FAT2: variants seen among roughly 807,000 people sequenced by gnomAD.
FAT2 encodes the protein FAT atypical cadherin 2, also known as protocadherin Fat 2.
In FAT2, 150 loss-of-function variants were observed where a neutral mutation model predicts 295.3. The ratio of observed to expected loss-of-function variants is 0.51; its 90% CI spans 0.44 to 0.58. FAT2 has a LOEUF of 0.58. Ranked by LOEUF, FAT2 falls within the 20% of genes least tolerant of loss-of-function variation. FAT2 has a pLI of 0.00. For missense variants in FAT2, 4,868 were observed against 5,442.7 expected (o/e 0.89, Z 3.32); for synonymous variants, 2,026 against 2,150.3 (o/e 0.94, Z 1.60).
At chr5:151,517,140 T>C (rs1051561904) in intron 20 of FAT2, among the ~76,000 whole-genome samples, 2 of 151,556 alleles carry the variant, frequency 1.3e-5, no homozygotes, top group South Asian at 2.1e-4. Flanking sequence ...AAATGGTAGA[T>C]TGGCATATGT....
At chr5:151,576,577 G>A (rs1286338268) in intron 1 of FAT2, among the ~76,000 whole-genome samples, 3 of 152,018 alleles carry the variant, frequency 2.0e-5, no homozygotes, top group East Asian at 3.8e-4. Context: ...TTTTAAATAC[G>A]AAAGAAAGAA....
chr5:151,552,007 G>A (rs1174709671), intron 6 of FAT2, among the ~76,000 whole-genome samples: 2 of 151,720 alleles, frequency 1.3e-5, no homozygotes, highest in Non-Finnish European at 2.9e-5. Flanking sequence ...GTGTGTGTGT[G>A]TGTGTGTAAA....
In FAT2 at chr5:151,542,280, C is replaced by A; in HGVS notation, c.8842+5G>T. On this transcript the variant is annotated splice_donor_5th_base_variant and intron_variant, in intron 10 of 23. Transcript: ENST00000261800. ...GAGCCTGCAGTCCATGACAGGTGTTCTTACCTGTGATGTAGCAGGTGACCT... is the reference window on the plus strand; with the variant it reads ...GAGCCTGCAGTCCATGACAGGTGTTATTACCTGTGATGTAGCAGGTGACCT... 1 of 1,583,730 alleles carries A rather than the reference C, an allele frequency of 6.3e-7. No individual in the cohort carries two copies. Among genetic ancestry groups the A allele is most frequent in the Non-Finnish European group, 8.6e-7 (1 of 1,165,246 alleles).
chr5:151,561,707 A>G (rs903573039), intron 3 of FAT2, among the ~76,000 whole-genome samples: 5 of 152,190 alleles, frequency 3.3e-5, no homozygotes, highest in Non-Finnish European at 5.9e-5. Context: ...CTTTAGCTTA[A>G]GAGCACAGGG....
rs1443654556 is a variant in FAT2, at chr5:151,534,661, A to G, written c.9194-19T>C. ...AGCTCCCCTGGTCGGAGAAATGACAAAAGTTGAGCTTTCTCTGGGGAAATA... is the reference window on the plus strand; with the variant it reads ...AGCTCCCCTGGTCGGAGAAATGACAGAAGTTGAGCTTTCTCTGGGGAAATA... On this transcript the variant is annotated intron_variant, in intron 12 of 23. Coordinates refer to ENST00000261800, the MANE Select transcript of FAT2 (RefSeq NM_001447.3). The G allele has an allele frequency of 3.1e-6, 5 of 1,593,614 alleles. No homozygotes were observed. The highest frequency in any genetic ancestry group is 4.3e-6 in the Non-Finnish European group (5 of 1,162,686).
chr5:151,584,892 T>A (rs1007761870), intron 1 of FAT2, among the ~76,000 whole-genome samples: 2 of 152,122 alleles, frequency 1.3e-5, no homozygotes, highest in African/African-American at 4.8e-5. Context: ...GCTTAAAAAA[T>A]ATATATAGAT....
At chr5:151,538,804 G>A (rs991865997) in intron 11 of FAT2, among the ~76,000 whole-genome samples, 2 of 151,754 alleles carry the variant, frequency 1.3e-5, no homozygotes, top group Non-Finnish European at 2.9e-5. Context: ...AGCCTCCTAG[G>A]TAGCTGGGAG....
At position 151,550,625 on chromosome 5, in the gene FAT2, C is replaced by G. The variant is rs2278370; in HGVS notation, c.4543G>C (p.Gly1515Arg). The change falls in exon 8 of 24, where the codon GGC becomes CGC. Residue 1515 changes from glycine to arginine, a missense_variant. By Grantham distance (125) the Gly-to-Arg change is moderately radical. Transcript: ENST00000261800. Reference sequence around the variant, plus strand: ...AGTGTGTGCTGGGAGGGCCCCGAGCCGAGGTCCAATTTTCCCACCGTTACC... The same window carrying G: ...AGTGTGTGCTGGGAGGGCCCCGAGCGGAGGTCCAATTTTCCCACCGTTACC... The part of the protein sequence containing the change: ...VLVTVGKLDL[G>R]SGPSQHTLTV... 1 of 1,614,040 alleles carries G rather than the reference C, an allele frequency of 6.2e-7. No homozygotes were observed. Among genetic ancestry groups the G allele is most frequent in the Non-Finnish European group, 8.5e-7 (1 of 1,179,994 alleles).
At chr5:151,506,342 A>G (rs1279616008) in intron 23 of FAT2, among the ~76,000 whole-genome samples, 1 of 152,252 alleles carries the variant, frequency 6.6e-6, no homozygotes, top group Non-Finnish European at 1.5e-5. Context: ...TCTGAGGGTC[A>G]GTGAACAAGG....
At position 151,568,951 on chromosome 5, in the gene FAT2, C is replaced by A; in HGVS notation, c.-20G>T. On this transcript the variant is annotated splice_region_variant and 5_prime_UTR_variant, in exon 2 of 24. Coordinates refer to ENST00000261800, the MANE Select transcript of FAT2 (RefSeq NM_001447.3). ...AGTCATGGTGGAAAACTCCCGAAAC[C>A]CTGGGCAGAAAATAAAAGACAGGGT... 1 of 1,571,518 alleles carries A rather than the reference C, an allele frequency of 6.4e-7. No homozygotes were observed. Among genetic ancestry groups the A allele is most frequent in the South Asian group, 1.2e-5 (1 of 83,090 alleles).
In FAT2 at chr5:151,568,619, C is replaced by A. The variant is rs1758394034; in HGVS notation, c.313G>T (p.Ala105Ser). 6.2e-7 allele frequency: 1 copy of A among 1,614,168 alleles called. No homozygotes were observed. Among genetic ancestry groups the A allele is most frequent in the South Asian group, 1.1e-5 (1 of 91,078 alleles). The change falls in exon 2 of 24, where the codon GCT becomes TCT. Residue 105 changes from alanine to serine, a missense_variant. This residue lies in a region of FAT2 where 3,297 missense variants were observed against 3,669.4 expected (regional missense o/e 0.90). Transcript: ENST00000261800. Reference protein sequence around the residue: ...LRIRTKSSNTALLNREVRDSY... With the variant: ...LRIRTKSSNTSLLNREVRDSY... ...TCTCGCACCTCTCTGTTCAGAAGAG[C>A]TGTGTTGCTGCTCTTTGTCCTTATT... is the stretch of plus-strand genomic sequence containing the variant.
chr5:151,590,836 G>A (rs746724712), intron 1 of FAT2, among the ~76,000 whole-genome samples: 2 of 152,172 alleles, frequency 1.3e-5, no homozygotes, highest in African/African-American at 4.8e-5. Flanking sequence ...CCCAAGTGGG[G>A]GATTTGATTC....
intron 9 of FAT2, 47 bp from the exon 10 acceptor site, chr5:151,546,384 T>C (rs371303995): frequency 5.4e-5 from 78 of 1,442,562 alleles, no homozygotes; most frequent in Non-Finnish European, 6.9e-5. Context: ...CCTCGACAGG[T>C]ATCAGCTAGG....
intron 1 of FAT2, among the ~76,000 whole-genome samples, chr5:151,588,536 A>G (rs1759269002): frequency 1.3e-5 from 2 of 152,212 alleles, no homozygotes; most frequent in African/African-American, 4.8e-5. Context: ...TCCAGTAAGC[A>G]GCAGTTCTCA....
chr5:151,544,184 C>T lies in FAT2; in HGVS notation c.6943G>A (p.Gly2315Ser). The change falls in exon 10 of 24, where the codon GGC becomes AGC. Residue 2315 changes from glycine (G) to serine (S), a missense_variant. Around this residue, in one of 5 missense-constraint regions of FAT2, gnomAD observed 3,297 missense variants for 3,669.4 expected, o/e 0.90. Transcript: ENST00000261800. Reference protein sequence around the residue: ...RDVSYQIVEDGSDVSKFFQIN... With the variant: ...RDVSYQIVEDSSDVSKFFQIN... The stretch of plus-strand genomic sequence containing the variant: ...TGGAAGAACTTGGAAACATCTGAGC[C>T]ATCCTCCACAATCTGATAAGAGACG... 1.9e-6 allele frequency: 3 copies of T among 1,614,212 alleles called. No individual in the cohort carries two copies. The highest frequency in any genetic ancestry group is 1.3e-5 in the African/African-American group (1 of 75,052).
rs1415562202 is a variant in FAT2, at chr5:151,505,955, A to G, written c.12660T>C (p.Asn4220=). ...GGAAGGGGAAGCCCCCATAGAGGCC[A>G]TTAGGCTCTGGCATCACGACTGGGG... is the stretch of plus-strand genomic sequence containing the variant. ...HSTPVVMPEP[N]GLYGGFPFPL... is the part of the protein sequence containing the mutation. The change falls in exon 24 of 24, where the codon AAT becomes AAC. Residue 4220 remains asparagine (N), a synonymous_variant. Coordinates refer to ENST00000261800, the MANE Select transcript of FAT2 (RefSeq NM_001447.3). 2 of 1,576,500 alleles carry G rather than the reference A, an allele frequency of 1.3e-6. No homozygotes were observed. The highest frequency in any genetic ancestry group is 4.5e-5 in the East Asian group (2 of 44,544).
chr5:151,559,810 T>G (rs1204555635), intron 3 of FAT2, among the ~76,000 whole-genome samples: 1 of 152,112 alleles, frequency 6.6e-6, no homozygotes, highest in Non-Finnish European at 1.5e-5. Flanking sequence ...ATTCTCATCC[T>G]CATCCTCCTC....
intron 3 of FAT2, among the ~76,000 whole-genome samples, chr5:151,562,295 C>G (rs771795809): frequency 1.3e-5 from 2 of 152,132 alleles, no homozygotes; most frequent in Non-Finnish European, 2.9e-5. Context: ...CCTTCTCCGA[C>G]AAGAGTAAAT....
At chr5:151,581,100 T>C (rs1211768133) in intron 1 of FAT2, among the ~76,000 whole-genome samples, 1 of 152,232 alleles carries the variant, frequency 6.6e-6, no homozygotes, top group South Asian at 2.1e-4. Context: ...ACTCAGGTTC[T>C]GGAGAGGGGC....
Sources: gnomAD v4.1 joint callset for allele counts (sites outside exome capture counted in the v4.1 genomes callset) on GRCh38, gnomAD v4.1.1 for gene constraint, gnomAD v4.1.1 regional missense constraint, MANE v1.5 for transcripts, NCBI Gene and HGNC (gene_info 2026-07-23, HGNC 2026-07-21) for gene names.